DDX10: variants seen among roughly 807,000 people sequenced by gnomAD.
DDX10 encodes the protein probable ATP-dependent RNA helicase DDX10.
In DDX10, 74 loss-of-function variants were observed where a neutral mutation model predicts 104.3. The observed-to-expected ratio is 0.71, with a 90% confidence interval of 0.59 to 0.86. The LOEUF (loss-of-function observed/expected upper bound fraction) is 0.86, where lower values mean the gene tolerates loss of function less well. Among genes scored for constraint, DDX10 ranks in the 40% least tolerant of loss-of-function variants. DDX10 has a pLI of 0.00. For missense variants in DDX10, 952 were observed against 1,040.0 expected (o/e 0.92, Z 1.16); for synonymous variants, 351 against 353.4 (o/e 0.99, Z 0.08).
intron 16 of DDX10, among the ~76,000 whole-genome samples, chr11:108,888,222 T>G (rs1039658098): frequency 6.6e-6 from 1 of 152,186 alleles, no homozygotes; most frequent in African/African-American, 2.4e-5. Flanking sequence ...AAAAAACCTC[T>G]CTGTATTGAA....
At chr11:108,720,019 C>A in intron 12 of DDX10, 134 bp downstream of exon 12, 1 of 648,362 alleles carries the variant, frequency 1.5e-6, no homozygotes, top group Admixed American at 2.8e-5. Flanking sequence ...CCACCCACCT[C>A]AACTTCCTGA....
At chr11:108,772,166 A>G (rs1476509020) in intron 13 of DDX10, among the ~76,000 whole-genome samples, 5 of 152,270 alleles carry the variant, frequency 3.3e-5, no homozygotes, top group Admixed American at 6.5e-5. Context: ...CACACAAAAT[A>G]TTAAAAAGAC....
At chr11:108,785,731 A>G (rs754367351) in intron 13 of DDX10, among the ~76,000 whole-genome samples, 9 of 152,042 alleles carry the variant, frequency 5.9e-5, no homozygotes, top group Non-Finnish European at 1.0e-4. Flanking sequence ...GGTGTTCATA[A>G]TCGTCTCCAA....
chr11:108,677,951 A>G (rs890123255), intron 4 of DDX10, among the ~76,000 whole-genome samples: 2 of 151,890 alleles, frequency 1.3e-5, no homozygotes, highest in Non-Finnish European at 2.9e-5. Flanking sequence ...GCGGTGTCAG[A>G]GTCTGTTCAA....
intron 17 of DDX10, among the ~76,000 whole-genome samples, chr11:108,932,405 T>A (rs543744602): frequency 6.6e-6 from 1 of 152,008 alleles, no homozygotes; most frequent in East Asian, 1.9e-4. Context: ...GAGGATTGTG[T>A]CAGCCCAGTT....
Position 108,723,240 on chromosome 11 carries a change from AC to A in DDX10, c.1744del (p.Gln582ArgfsTer55), listed in dbSNP as rs2094300874. 1 of 1,613,628 alleles carries A rather than the reference AC, an allele frequency of 6.2e-7. No individual in the cohort carries two copies. The highest frequency in any genetic ancestry group is 8.5e-7 in the Non-Finnish European group (1 of 1,179,826). On this transcript the variant is annotated frameshift_variant, in exon 13 of 18. Coordinates refer to ENST00000322536, the MANE Select transcript of DDX10 (RefSeq NM_004398.4). LOFTEE classifies it high-confidence loss of function. The part of the protein sequence containing the change: ...RQDNDTGNEE[Q>X]EEEEDDEEEM... ...AGGATAATGATACTGGTAATGAAGA[AC>A]AGGAAGAAGAAGAAGACGATGAAGA...
chr11:108,867,837 AGC>A (rs2134620197), intron 16 of DDX10, among the ~76,000 whole-genome samples: 1 of 152,246 alleles, frequency 6.6e-6, no homozygotes, highest in Non-Finnish European at 1.5e-5. Context: ...AGGGGCACAG[AGC>A]CCCCAGAAAT....
chr11:108,761,357 C>T (rs1005280745), intron 13 of DDX10, among the ~76,000 whole-genome samples: 18 of 152,084 alleles, frequency 1.2e-4, no homozygotes, highest in Non-Finnish European at 2.2e-4. Context: ...GAGGCAGCGC[C>T]TCTAAATTTT....
chr11:108,856,698 CTT>C (rs1862874826), intron 16 of DDX10, among the ~76,000 whole-genome samples: 1 of 151,984 alleles, frequency 6.6e-6, no homozygotes, highest in African/African-American at 2.4e-5. Context: ...TTTAAAAAGT[CTT>C]ATTATTTGAC....
chr11:108,842,342 C>A (rs772790987), intron 15 of DDX10, among the ~76,000 whole-genome samples: 1 of 152,046 alleles, frequency 6.6e-6, no homozygotes, highest in Non-Finnish European at 1.5e-5. Context: ...TGAGAAACAC[C>A]TGAGAAACAC....
chr11:108,697,306 G>A (rs2094261369), intron 9 of DDX10, among the ~76,000 whole-genome samples: 1 of 149,540 alleles, frequency 6.7e-6, no homozygotes, highest in African/African-American at 2.5e-5. Flanking sequence ...TGGGCCATGA[G>A]ACTGAATAAT....
rs146175035 is a variant in DDX10, at chr11:108,888,635, A to G, written c.2305-29238A>G. Among the ~76,000 whole-genome samples the G allele has an allele frequency of 1.2e-4, 19 of 152,286 alleles. No homozygotes were observed. The East Asian group carries it at 3.7e-3, about 29-fold the overall frequency. Reference sequence around the variant, plus strand: ...TTGACTAGGGATTATGCTGCAGAATACCTATGTCCTTTCCTAATTGGATGA... The same window carrying G: ...TTGACTAGGGATTATGCTGCAGAATGCCTATGTCCTTTCCTAATTGGATGA... On this transcript the variant is annotated intron_variant, in intron 16 of 17. Transcript: ENST00000322536.
intron 13 of DDX10, among the ~76,000 whole-genome samples, chr11:108,767,721 G>A (rs977406646): frequency 6.6e-6 from 1 of 152,148 alleles, no homozygotes; most frequent in Non-Finnish European, 1.5e-5. Flanking sequence ...GTTGTTTTAT[G>A]TGTGGAACTG....
chr11:108,843,591 A>G (rs1862671055), intron 15 of DDX10, among the ~76,000 whole-genome samples: 1 of 152,114 alleles, frequency 6.6e-6, no homozygotes, highest in South Asian at 2.1e-4. Flanking sequence ...AACCCCATCT[A>G]CTAAAAATAC....
chr11:108,732,864 T>G (rs2094313964), intron 13 of DDX10, among the ~76,000 whole-genome samples: 1 of 152,224 alleles, frequency 6.6e-6, no homozygotes, highest in Non-Finnish European at 1.5e-5. Flanking sequence ...AAATTTATTT[T>G]TGGAACACTT....
chr11:108,935,176 C>T (rs1021883364), intron 17 of DDX10, among the ~76,000 whole-genome samples: 4 of 152,160 alleles, frequency 2.6e-5, no homozygotes, highest in Middle Eastern at 3.4e-3. Flanking sequence ...AAGGTGGAAT[C>T]CTTGAGGAAG....
At chr11:108,703,836 C>T (rs779787288) in intron 9 of DDX10, among the ~76,000 whole-genome samples, 48 of 152,054 alleles carry the variant, frequency 3.2e-4, no homozygotes, top group Non-Finnish European at 4.7e-4. Flanking sequence ...TTGGTATTAG[C>T]GTGTGGGAGA....
At chr11:108,715,365 AC>A (rs1277399689) in intron 10 of DDX10, among the ~76,000 whole-genome samples, 2 of 152,136 alleles carry the variant, frequency 1.3e-5, no homozygotes, top group Non-Finnish European at 2.9e-5. Flanking sequence ...GAAAAAGCAA[AC>A]AACAGACTAG....
intron 13 of DDX10, among the ~76,000 whole-genome samples, chr11:108,751,810 C>A (rs1320249955): frequency 6.6e-6 from 1 of 152,114 alleles, no homozygotes; most frequent in Non-Finnish European, 1.5e-5. Flanking sequence ...CAGTTTAAGT[C>A]GACTGTATAA....
Sources: allele counts gnomAD v4.1 joint callset (sites outside exome capture counted in the v4.1 genomes callset), GRCh38; gene constraint gnomAD v4.1.1; transcripts MANE v1.5; gene names NCBI Gene and HGNC (gene_info 2026-07-23, HGNC 2026-07-21).